Variants in PHF24 observed in about 807,000 individuals in gnomAD.
The protein encoded by PHF24 is Galpha inhibitory interacting protein.
Under a neutral mutation model 42.6 loss-of-function variants are expected in PHF24, and 25 were observed. That is an observed-to-expected ratio of 0.59 (90% CI 0.43 to 0.82). The LOEUF (loss-of-function observed/expected upper bound fraction) is 0.82, where lower values mean the gene tolerates loss of function less well. PHF24 is among the 40% of genes least tolerant of loss of function. The pLI, the probability that PHF24 is intolerant of heterozygous loss-of-function variation, is 0.00. For synonymous variants in PHF24, 185 were observed against 204.8 expected, an observed-to-expected ratio of 0.90 and a Z score of 0.83; for missense variants, 470 against 538.1, an observed-to-expected ratio of 0.87 and a Z score of 1.25.
chr9:34,877,984 G>A, the PHF24 span, among the ~76,000 whole-genome samples: 1 of 152,016 alleles, frequency 6.6e-6, no homozygotes, highest in Non-Finnish European at 1.5e-5. Context: ...GTTGATACAT[G>A]TCATTATACA....
At chr9:34,735,099 ACT>A in the PHF24 span, among the ~76,000 whole-genome samples, 7 of 146,944 alleles carry the variant, frequency 4.8e-5, no homozygotes, top group Non-Finnish European at 7.5e-5. Flanking sequence ...AACTCAGTCT[ACT>A]CTCTTACAAT....
chr9:34,748,737 T>C, the PHF24 span, among the ~76,000 whole-genome samples: 4 of 152,146 alleles, frequency 2.6e-5, no homozygotes, highest in Admixed American at 6.5e-5. Context: ...AGGATGGGTA[T>C]GAACAAGCCC....
the PHF24 span, chr9:34,710,091 G>A: frequency 3.7e-6 from 6 of 1,607,784 alleles, no homozygotes; most frequent in Non-Finnish European, 5.1e-6. Flanking sequence ...GTGAGTAAGA[G>A]GCCAGAGCTG....
chr9:34,771,411 C>G, the PHF24 span, among the ~76,000 whole-genome samples: 9 of 152,248 alleles, frequency 5.9e-5, no homozygotes, highest in East Asian at 1.9e-4. Context: ...AGAAAAAATA[C>G]AGTTTAATCT....
chr9:34,799,280 G>A, the PHF24 span, among the ~76,000 whole-genome samples: 32 of 152,214 alleles, frequency 2.1e-4, no homozygotes, highest in Admixed American at 9.2e-4. Flanking sequence ...AAATCCTAGC[G>A]CTGCCATTAA....
chr9:34,881,658 C>T, the PHF24 span, among the ~76,000 whole-genome samples: 1 of 152,056 alleles, frequency 6.6e-6, no homozygotes, highest in South Asian at 2.1e-4. Flanking sequence ...AAGACTAAAC[C>T]AGGAAGAAGT....
chr9:34,693,667 T>C, the PHF24 span, among the ~76,000 whole-genome samples: 398 of 152,090 alleles, frequency 2.6e-3, 2 homozygotes, highest in South Asian at 4.6e-3. Flanking sequence ...AGGAGGAGAA[T>C]AGAGAGAACA....
rs117634679 is a variant in PHF24, at chr9:34,971,148, G to C, written c.-4-147G>C. ...GAAAGAAGTAGAACCAACATCTTCT[G>C]ATCCTTAACATGTGCTGTCTCCACC... is the stretch of plus-strand genomic sequence containing the variant. On this transcript the variant is annotated intron_variant, in intron 1 of 7. Transcript: ENST00000242315. The C allele has an allele frequency of 5.7e-5, 35 of 618,642 alleles. No individual in the cohort carries two copies. The East Asian group carries it at 9.7e-4, about 17-fold the overall frequency. The allele number at this position is 618,642 out of a possible 1,614,324, so 38.3% of individuals were successfully genotyped here. A position where few individuals can be genotyped will look rare whatever the true frequency, so the allele number is the denominator to read the frequency against.
At chr9:34,886,554 C>G in the PHF24 span, among the ~76,000 whole-genome samples, 1 of 152,284 alleles carries the variant, frequency 6.6e-6, no homozygotes, top group Non-Finnish European at 1.5e-5. Context: ...TTCTTGGCTT[C>G]CAGTATGACA....
At chr9:34,695,209 T>C in the PHF24 span, among the ~76,000 whole-genome samples, 1 of 152,172 alleles carries the variant, frequency 6.6e-6, no homozygotes, top group African/African-American at 2.4e-5. Flanking sequence ...AACCAATGGC[T>C]GATGATGTAA....
At chr9:34,837,638 G>A in the PHF24 span, 4 of 1,511,860 alleles carry the variant, frequency 2.6e-6, no homozygotes, top group Admixed American at 5.9e-5. Context: ...AGTCAGAGGA[G>A]AGATTGGGAC....
chr9:34,823,120 C>T, the PHF24 span, among the ~76,000 whole-genome samples: 7,260 of 147,348 alleles, frequency 0.049, 571 homozygotes, highest in African/African-American at 0.17. Flanking sequence ...GGCGTGAACC[C>T]GGGAAGCGGA....
the PHF24 span, among the ~76,000 whole-genome samples, chr9:34,907,326 T>A: frequency 6.6e-6 from 1 of 152,200 alleles, no homozygotes; most frequent in Non-Finnish European, 1.5e-5. Flanking sequence ...TTTCCTACTG[T>A]CCATGAAAAA....
At chr9:34,899,867 G>C in the PHF24 span, among the ~76,000 whole-genome samples, 1 of 152,066 alleles carries the variant, frequency 6.6e-6, no homozygotes, top group Non-Finnish European at 1.5e-5. Flanking sequence ...AATCACTCGG[G>C]AGCTTGTTAA....
the PHF24 span, among the ~76,000 whole-genome samples, chr9:34,946,370 C>CG: frequency 2.0e-5 from 3 of 152,138 alleles, no homozygotes; most frequent in South Asian, 6.2e-4. Flanking sequence ...TCTTTCTATT[C>CG]TGTTCAACAA....
the PHF24 span, among the ~76,000 whole-genome samples, chr9:34,936,220 C>T: frequency 1.2e-4 from 19 of 152,196 alleles, no homozygotes; most frequent in African/African-American, 4.3e-4. Flanking sequence ...AGGCGCGCGC[C>T]GCCACGCCTG....
chr9:34,970,846 A>G lies in PHF24; in HGVS notation c.-4-449A>G, dbSNP rs562154891. Among the ~76,000 whole-genome samples the G allele has an allele frequency of 1.4e-3, 220 of 152,314 alleles. 1 individual carries two copies. The highest frequency in any genetic ancestry group is 2.6e-3 in the Non-Finnish European group (174 of 68,034). ...TAGAGTGCTTTCCAGTCTACGAAGC[A>G]CCATTATGCCCATTTTCTTACATTA... On this transcript the variant is annotated intron_variant, in intron 1 of 7. Coordinates refer to ENST00000242315, the Ensembl canonical transcript of PHF24.
At chr9:34,905,273 C>T in the PHF24 span, among the ~76,000 whole-genome samples, 1 of 152,160 alleles carries the variant, frequency 6.6e-6, no homozygotes. Flanking sequence ...ACTGGCATGA[C>T]CACAACCTGA....
the PHF24 span, among the ~76,000 whole-genome samples, chr9:34,860,275 T>G: frequency 6.6e-6 from 1 of 152,344 alleles, no homozygotes; most frequent in Admixed American, 6.5e-5. Context: ...TTTTAGTTAT[T>G]TCAGAGTAGG....
Sources: gnomAD v4.1 joint callset for allele counts (sites outside exome capture counted in the v4.1 genomes callset) on GRCh38, gnomAD v4.1.1 for gene constraint, MANE v1.5 for transcripts, NCBI Gene and HGNC (gene_info 2026-07-23, HGNC 2026-07-21) for gene names.